The following PLEKHN1 variants were observed in gnomAD, a reference collection of about 807,000 sequenced individuals.
The protein encoded by PLEKHN1 is pleckstrin homology domain containing N1, also known as pleckstrin homology domain-containing family N member 1.
Under a neutral mutation model 72.8 loss-of-function variants are expected in PLEKHN1, and 68 were observed. That is an observed-to-expected ratio of 0.93 (90% confidence interval 0.77 to 1.14). The LOEUF (loss-of-function observed/expected upper bound fraction) is 1.14. Ranked by LOEUF, PLEKHN1 falls within the 50% of genes most tolerant of loss-of-function variation. PLEKHN1 has a pLI of 0.00. For missense variants in PLEKHN1, 1,015 were observed against 840.5 expected (o/e 1.21, Z -2.57); for synonymous variants, 454 against 371.6 (o/e 1.22, Z -2.55).
Position 974,448 on chromosome 1 carries a change from G to A in PLEKHN1, c.1709G>A (p.Arg570Gln), listed in dbSNP as rs768957902. ...PEPWLPLTDGRSPRRSRDPGY... is the reference protein window; with the variant it reads ...PEPWLPLTDGQSPRRSRDPGY... ...TCTCTGCCTTCCCTACCAGATGGTC[G>A]GTCCCCCAGGAGGAGCCGGGACCCC... Residue 570 changes from arginine (R) to glutamine (Q), a missense_variant, in exon 16 of 16, where the codon CGG becomes CAG. Coordinates refer to ENST00000379410, the MANE Select transcript of PLEKHN1 (RefSeq NM_032129.3). 51 of 1,612,790 alleles carry A rather than the reference G, an allele frequency of 3.2e-5. No homozygotes were observed. Among genetic ancestry groups the A allele is most frequent in the Admixed American group, 2.7e-4 (16 of 60,022 alleles).
At chr1:973,114 C>T (rs895456175) in intron 11 of PLEKHN1, 72 bp from the exon 12 acceptor site, 1 of 1,499,578 alleles carries the variant, frequency 6.7e-7, no homozygotes, top group Non-Finnish European at 9.0e-7. Context: ...GGAGGGAGCC[C>T]CTTGCAGCCT....
In PLEKHN1 at chr1:970,416, A is replaced by T. The variant is rs542467081; in HGVS notation, c.323A>T (p.His108Leu). 6.2e-7 allele frequency: 1 copy of T among 1,613,422 alleles called. No individual in the cohort carries two copies. The highest frequency in any genetic ancestry group is 1.3e-5 in the African/African-American group (1 of 75,026). The change falls in exon 3 of 16, where the codon CAC becomes CTC. Residue 108 changes from histidine (H) to leucine (L), a missense_variant. By Grantham distance (99) the His-to-Leu change is moderately conservative. Transcript: ENST00000379410. This position sits in a 1 kb window ranked among gnomAD's most constrained non-coding sequence, Gnocchi z 4.2. The part of the protein sequence containing the change: ...HYAKVQLRFQ[H>L]SQDVSDCYLE... Reference sequence around the variant, plus strand: ...GCCAAGGTCCAGCTGCGGTTCCAGCACAGCCAGGTGGGGGCCGGGCTGGGT... The same window carrying T: ...GCCAAGGTCCAGCTGCGGTTCCAGCTCAGCCAGGTGGGGGCCGGGCTGGGT...
chr1:966,567 G>A lies in PLEKHN1; in HGVS notation c.36G>A (p.Arg12=), dbSNP rs899169209. Residue 12 remains arginine, a synonymous_variant, in exon 1 of 16, where the codon AGG becomes AGA. Coordinates refer to ENST00000379410, the MANE Select transcript of PLEKHN1 (RefSeq NM_032129.3). The stretch of plus-strand genomic sequence containing the variant: ...GCCACTGTGTCCCTCAGGCCCCCAG[G>A]AGGCTCCGGGCCTCCTTCTCCAGAA... ...GNSHCVPQAP[R]RLRASFSRKP... is the part of the protein sequence containing the mutation. 2 of 1,610,902 alleles carry A rather than the reference G, an allele frequency of 1.2e-6. No homozygotes were observed. The highest frequency in any genetic ancestry group is 2.2e-5 in the South Asian group (2 of 91,032).
In PLEKHN1 at chr1:971,075, A is replaced by G. The variant is rs1033830004; in HGVS notation, c.613-38A>G. On this transcript the variant is annotated intron_variant, in intron 6 of 15. Transcript: ENST00000379410. ...CAGCCGGCTCTGACCTCCTCCTCAC[A>G]GGGGTCCTGCGGAGACGAACTCCCC... 6 of 1,579,802 alleles carry G rather than the reference A, an allele frequency of 3.8e-6. 1 individual carries two copies. In the African/African-American group the frequency reaches 6.8e-5, roughly 18 times the overall value.
chr1:971,593 G>A (rs1316422100), intron 8 of PLEKHN1, 189 bp downstream of exon 8: 6 of 629,662 alleles, frequency 9.5e-6, no homozygotes, highest in South Asian at 1.9e-5. Flanking sequence ...CCCGCCCTGA[G>A]GTTCTCACCC....
intron 2 of PLEKHN1, among the ~76,000 whole-genome samples, chr1:969,750 ATG>A (rs34160727): frequency 0.43 from 64,784 of 151,524 alleles, 15,704 homozygotes; most frequent in East Asian, 0.59. Context: ...TGTGGCATGT[ATG>A]TGTCTATTGT....
rs370128139 is a variant in PLEKHN1, at chr1:966,754, G to T, written c.134G>T (p.Arg45Leu). 1.3e-6 allele frequency: 2 copies of T among 1,575,100 alleles called. No homozygotes were observed. The highest frequency in any genetic ancestry group is 8.6e-7 in the Non-Finnish European group (1 of 1,161,314). Residue 45 changes from arginine (R) to leucine (L), a missense_variant, in exon 2 of 16, where the codon CGA becomes CTA. Physicochemically the swap from Arg to Leu is moderately radical, Grantham distance 102. Coordinates refer to ENST00000379410, the MANE Select transcript of PLEKHN1 (RefSeq NM_032129.3). ...GGCCTGCCGGGCCCCGAGGCTGCTCGAAGCGGGGACGCCGCCGCCAACAAG... is the reference window on the plus strand; with the variant it reads ...GGCCTGCCGGGCCCCGAGGCTGCTCTAAGCGGGGACGCCGCCGCCAACAAG... ...SAGLPGPEAA[R>L]SGDAAANKLF...
chr1:974,102 G>A, intron 14 of PLEKHN1, 51 bp downstream of exon 14: 2 of 1,527,298 alleles, frequency 1.3e-6, no homozygotes, highest in African/African-American at 1.4e-5. Context: ...GCTGGCCGGG[G>A]GTCTGGTGTG....
In PLEKHN1 at chr1:971,508, A is replaced by G. The variant is rs1643326490; in HGVS notation, c.789+104A>G. On this transcript the variant is annotated intron_variant, in intron 8 of 15. Transcript: ENST00000379410. ...CCTGTATTTCGGGGCTTGTTGAGACAGAGCGCAGGGCCCTGCCCACCCAGC... is the reference window on the plus strand; with the variant it reads ...CCTGTATTTCGGGGCTTGTTGAGACGGAGCGCAGGGCCCTGCCCACCCAGC... 3.6e-6 allele frequency: 4 copies of G among 1,123,030 alleles called. No individual in the cohort carries two copies. In the South Asian group the frequency reaches 4.0e-5, roughly 11 times the overall value. 69.6% of individuals were successfully genotyped at this position (1,123,030 alleles called of 1,614,324 possible). A position where few individuals can be genotyped will look rare whatever the true frequency, so the allele number is the denominator to read the frequency against.
Position 970,343 on chromosome 1 carries a change from G to C in PLEKHN1, c.250G>C (p.Gly84Arg). 6.2e-7 allele frequency: 1 copy of C among 1,613,556 alleles called. No individual in the cohort carries two copies. The highest frequency in any genetic ancestry group is 1.1e-5 in the South Asian group (1 of 91,076). ...EQPFLSVFKK[G>R]RRRVPVRNLG... ...GCCATTCCTGAGTGTGTTCAAGAAG[G>C]GGCGGCGGAGGGTGCCTGTGAGGAA... Residue 84 changes from glycine to arginine, a missense_variant, in exon 3 of 16, where the codon GGG becomes CGG. Physicochemically the swap from Gly to Arg is moderately radical, Grantham distance 125 (BLOSUM62 -2). Transcript: ENST00000379410. This position sits in a 1 kb window ranked among gnomAD's most constrained non-coding sequence, Gnocchi z 4.2.
intron 2 of PLEKHN1, among the ~76,000 whole-genome samples, chr1:968,897 AGACCCCTC>A: frequency 6.6e-6 from 1 of 152,258 alleles, no homozygotes; most frequent in African/African-American, 2.4e-5. Context: ...CCCTCGGGGG[AGACCCCTC>A]GGGGCACTGC....
intron 14 of PLEKHN1, 118 bp from the exon 15 acceptor site, chr1:974,198 G>A: frequency 2.0e-6 from 3 of 1,531,368 alleles, no homozygotes; most frequent in Non-Finnish European, 2.7e-6. Flanking sequence ...GGGAGTTGGG[G>A]AGATGGGACT....
In PLEKHN1 at chr1:974,531, C is replaced by G; in HGVS notation, c.1792C>G (p.Leu598Val). The G allele has an allele frequency of 1.9e-6, 3 of 1,612,520 alleles. No individual in the cohort carries two copies. The highest frequency in any genetic ancestry group is 2.5e-6 in the Non-Finnish European group (3 of 1,179,870). ...TTCCTCCCACCAGAAGTGCCCCCAG[C>G]TTGGAGGGCCTGAGGCCAGTGGGGG... ...LSSSHQKCPQ[L>V]GGPEASGGLV... The change falls in exon 16 of 16, where the codon CTT becomes GTT. Residue 598 changes from leucine to valine, a missense_variant. Leu to Val is a conservative substitution (Grantham distance 32). Transcript: ENST00000379410.
intron 2 of PLEKHN1, among the ~76,000 whole-genome samples, chr1:969,068 A>C (rs1643146297): frequency 6.6e-6 from 1 of 152,258 alleles, no homozygotes; most frequent in South Asian, 2.1e-4. Context: ...GTTACAAATC[A>C]GGGCATCGGT....
rs1557652587 is a variant in PLEKHN1, at chr1:973,580, C to G, written c.1374C>G (p.Asp458Glu). The change falls in exon 13 of 16, where the codon GAC becomes GAG. Residue 458 changes from aspartate to glutamate, a missense_variant. Transcript: ENST00000379410. ...SETSHSPLYA[D>E]PYTPPATSHR... ...CATCACACTCGCCCCTCTATGCCGA[C>G]CCCTACACACCACCCGCCACCTCCC... 6.2e-7 allele frequency: 1 copy of G among 1,613,256 alleles called. No homozygotes were observed. The highest frequency in any genetic ancestry group is 8.5e-7 in the Non-Finnish European group (1 of 1,179,964).
In PLEKHN1 at chr1:966,728, C is replaced by A; in HGVS notation, c.108C>A (p.Ala36=). The A allele has an allele frequency of 6.4e-7, 1 of 1,573,084 alleles. No homozygotes were observed. Among genetic ancestry groups the A allele is most frequent in the Non-Finnish European group, 8.6e-7 (1 of 1,159,706 alleles). The part of the protein sequence containing the change: ...GNREDSARMS[A]GLPGPEAARS... ...GAGAGGACAGCGCGCGGATGTCGGC[C>A]GGCCTGCCGGGCCCCGAGGCTGCTC... Residue 36 remains alanine (A), a synonymous_variant, in exon 2 of 16, where the codon GCC becomes GCA. Transcript: ENST00000379410.
Position 972,400 on chromosome 1 carries a change from T to C in PLEKHN1, c.978T>C (p.Gly326=), listed in dbSNP as rs559903320. ...THREGAPPLP[G]AESFPGSQVM... ...GGGAGGGGGCCCCGCCGCTGCCTGGTGCCGAGAGCTTCCCAGGGTCGCAGG... is the reference window on the plus strand; with the variant it reads ...GGGAGGGGGCCCCGCCGCTGCCTGGCGCCGAGAGCTTCCCAGGGTCGCAGG... Residue 326 remains glycine (G), a synonymous_variant, in exon 10 of 16, where the codon GGT becomes GGC. Coordinates refer to ENST00000379410, the MANE Select transcript of PLEKHN1 (RefSeq NM_032129.3). 1.1e-4 allele frequency: 180 copies of C among 1,584,736 alleles called. No homozygotes were observed. The highest frequency in any genetic ancestry group is 3.2e-4 in the South Asian group (28 of 87,488).
chr1:974,090 G>A (rs532633758), intron 14 of PLEKHN1, 39 bp downstream of exon 14: 23 of 1,536,510 alleles, frequency 1.5e-5, no homozygotes, highest in East Asian at 7.3e-5. Flanking sequence ...CCCGGGCTCC[G>A]GGCTGGCCGG....
chr1:966,740 C>A lies in PLEKHN1; in HGVS notation c.120C>A (p.Gly40=). The A allele has an allele frequency of 6.3e-7, 1 of 1,575,354 alleles. No individual in the cohort carries two copies. The highest frequency in any genetic ancestry group is 8.6e-7 in the Non-Finnish European group (1 of 1,161,124). The stretch of plus-strand genomic sequence containing the variant: ...CGCGGATGTCGGCCGGCCTGCCGGG[C>A]CCCGAGGCTGCTCGAAGCGGGGACG... ...DSARMSAGLP[G]PEAARSGDAA... The change falls in exon 2 of 16, where the codon GGC becomes GGA. Residue 40 remains glycine (G), a synonymous_variant. Coordinates refer to ENST00000379410, the MANE Select transcript of PLEKHN1 (RefSeq NM_032129.3).
Sources: allele counts gnomAD v4.1 joint callset (sites outside exome capture counted in the v4.1 genomes callset), GRCh38; gene constraint gnomAD v4.1.1; non-coding constraint Gnocchi (gnomAD v3.1); transcripts MANE v1.5; gene names NCBI Gene and HGNC (gene_info 2026-07-23, HGNC 2026-07-21).